The following GOLM2 variants were observed in gnomAD, a reference collection of about 807,000 sequenced individuals.
The protein encoded by GOLM2 is golgi membrane protein 2, also known as protein GOLM2.
Under a neutral mutation model 55.9 loss-of-function variants are expected in GOLM2, and 26 were observed. The ratio of observed to expected loss-of-function variants is 0.47; its 90% CI spans 0.34 to 0.65. GOLM2 has a LOEUF of 0.65. Ranked by LOEUF, GOLM2 falls within the 30% of genes least tolerant of loss-of-function variation. The probability of loss-of-function intolerance (pLI) is 0.01; values close to 1 mark genes in which losing one functional copy is unlikely to be tolerated. For synonymous variants in GOLM2, 165 were observed against 194.6 expected (o/e 0.85, Z 1.27); for missense variants, 486 against 531.8 (o/e 0.91, Z 0.85).
At chr15:44,294,306 G>A (rs760705578) in intron 1 of GOLM2, among the ~76,000 whole-genome samples, 4 of 152,028 alleles carry the variant, frequency 2.6e-5, no homozygotes, top group Non-Finnish European at 4.4e-5. Flanking sequence ...AGCTGGGCAC[G>A]GTGGCTCACG....
intron 1 of GOLM2, among the ~76,000 whole-genome samples, chr15:44,312,462 T>G (rs760478069): frequency 2.0e-5 from 3 of 152,122 alleles, no homozygotes; most frequent in Non-Finnish European, 2.9e-5. Context: ...TAGGAATACC[T>G]ACATCTGTAC....
In GOLM2 at chr15:44,378,245, C is replaced by T. The variant is rs568624166; in HGVS notation, c.803-1445C>T. Among the ~76,000 whole-genome samples the T allele has an allele frequency of 3.3e-5, 5 of 150,948 alleles. No individual in the cohort carries two copies. In the East Asian group the frequency reaches 7.8e-4, roughly 24 times the overall value. On this transcript the variant is annotated intron_variant, in intron 6 of 9. Coordinates refer to ENST00000299957, the MANE Select transcript of GOLM2 (RefSeq NM_138423.4). ...TATTTTTTTGTATTTTTAATAGAGA[C>T]GGGGTTTCACGATGTTAGCCAGGTT...
intron 4 of GOLM2, among the ~76,000 whole-genome samples, chr15:44,337,377 T>G (rs1338237901): frequency 6.6e-6 from 1 of 151,878 alleles, no homozygotes; most frequent in African/African-American, 2.4e-5. Context: ...GCCATCCTGC[T>G]TGGTTCTAAC....
rs931635390 is a variant in GOLM2 at position 44,376,687 on chromosome 15, G to A, written c.803-3003G>A. ...CTCCTATACAAAATTGGAGGGTAAGGTTAGCACTCTTAATTGTCTCCAAGT... is the reference window on the plus strand; with the variant it reads ...CTCCTATACAAAATTGGAGGGTAAGATTAGCACTCTTAATTGTCTCCAAGT... On this transcript the variant is annotated intron_variant, in intron 6 of 9. Coordinates refer to ENST00000299957, the MANE Select transcript of GOLM2 (RefSeq NM_138423.4). Among the ~76,000 whole-genome samples the A allele has an allele frequency of 2.6e-5, 4 of 152,118 alleles. No homozygotes were observed. In the South Asian group the frequency reaches 6.2e-4, roughly 24 times the overall value.
At chr15:44,298,340 T>G (rs2078772648) in intron 1 of GOLM2, among the ~76,000 whole-genome samples, 1 of 150,938 alleles carries the variant, frequency 6.6e-6, no homozygotes, top group Admixed American at 6.6e-5. Flanking sequence ...CTCAGCTTAC[T>G]GCAACCTCCG....
chr15:44,336,843 G>C (rs770074044), intron 4 of GOLM2, among the ~76,000 whole-genome samples: 2 of 152,134 alleles, frequency 1.3e-5, no homozygotes, highest in Non-Finnish European at 2.9e-5. Context: ...ATGAACCTGG[G>C]AGGCGGAGCT....
At chr15:44,307,165 T>A (rs1024874788) in intron 1 of GOLM2, 3 of 154,420 alleles carry the variant, frequency 1.9e-5, no homozygotes, top group Middle Eastern at 5.1e-4. Flanking sequence ...ATACTGCTTA[T>A]CATCAGGGAC....
chr15:44,409,327 C>T (rs2079619524), intron 9 of GOLM2, among the ~76,000 whole-genome samples: 1 of 150,880 alleles, frequency 6.6e-6, no homozygotes, highest in Admixed American at 6.6e-5. Context: ...GTGGGTCATG[C>T]CTGTAATCTA....
At chr15:44,305,100 A>T (rs2141114095) in intron 1 of GOLM2, among the ~76,000 whole-genome samples, 1 of 152,250 alleles carries the variant, frequency 6.6e-6, no homozygotes, top group East Asian at 1.9e-4. Flanking sequence ...CCCTGGACTC[A>T]GGTGATCCTC....
intron 6 of GOLM2, among the ~76,000 whole-genome samples, chr15:44,351,087 T>C (rs553061446): frequency 2.6e-5 from 4 of 152,220 alleles, no homozygotes; most frequent in African/African-American, 7.2e-5. Context: ...ATGCCCACTT[T>C]CACCACTGTC....
intron 1 of GOLM2, among the ~76,000 whole-genome samples, chr15:44,320,680 C>G (rs1012402173): frequency 6.6e-6 from 1 of 152,178 alleles, no homozygotes; most frequent in Non-Finnish European, 1.5e-5. Flanking sequence ...CCCCTAGACT[C>G]CTTCTCTTGC....
rs577914403 is a variant in GOLM2 at position 44,384,681 on chromosome 15, A to G, written c.1072+3705A>G. 7.2e-5 allele frequency among the ~76,000 whole-genome samples: 11 copies of G among 151,972 alleles called. No homozygotes were observed. The East Asian group carries it at 2.1e-3, about 29-fold the overall frequency. ...AGAATGGTGTGAACCCAGGAGGCAG[A>G]GCTTGCAGTGAGCCAAGATCGCGCC... is the stretch of plus-strand genomic sequence containing the variant. On this transcript the variant is annotated intron_variant, in intron 8 of 9. Coordinates refer to ENST00000299957, the MANE Select transcript of GOLM2 (RefSeq NM_138423.4).
At chr15:44,375,299 A>G (rs542788406) in intron 6 of GOLM2, among the ~76,000 whole-genome samples, 26 of 152,204 alleles carry the variant, frequency 1.7e-4, no homozygotes, top group African/African-American at 6.0e-4. Flanking sequence ...GATTACACGC[A>G]TGAGCCACCC....
chr15:44,343,519 G>A (rs977766796), intron 6 of GOLM2, among the ~76,000 whole-genome samples: 1 of 151,758 alleles, frequency 6.6e-6, no homozygotes, highest in African/African-American at 2.4e-5. Context: ...ACCCCAAAGA[G>A]GAAGCAGAGA....
Position 44,322,983 on chromosome 15 carries a change from A to G in GOLM2, c.346A>G (p.Ile116Val), listed in dbSNP as rs758590618. The G allele has an allele frequency of 1.9e-6, 3 of 1,579,266 alleles. No homozygotes were observed. The highest frequency in any genetic ancestry group is 1.7e-6 in the Non-Finnish European group (2 of 1,166,232). Residue 116 changes from isoleucine to valine, a missense_variant, in exon 2 of 10, where the codon ATA becomes GTA. Physicochemically the swap from Ile to Val is conservative, Grantham distance 29. Transcript: ENST00000299957. ...TTTTCAGGTTAAACTACAGAACAACATATCGTATCAGATGGCAGACATACA... is the reference window on the plus strand; with the variant it reads ...TTTTCAGGTTAAACTACAGAACAACGTATCGTATCAGATGGCAGACATACA... ...EDDKVKLQNN[I>V]SYQMADIHHL...
intron 1 of GOLM2, among the ~76,000 whole-genome samples, chr15:44,310,861 A>G (rs1010078449): frequency 4.6e-5 from 7 of 152,124 alleles, no homozygotes; most frequent in Non-Finnish European, 8.8e-5. Flanking sequence ...TACTAAAAAT[A>G]CAAAAATTAG....
rs1424611580 is a variant in GOLM2, at chr15:44,415,325, A to G, written c.*1919A>G. The G allele has an allele frequency of 6.6e-6, 1 of 152,654 alleles. No homozygotes were observed. The highest frequency in any genetic ancestry group is 1.5e-5 in the Non-Finnish European group (1 of 68,032). The allele number at this position is 152,654 out of a possible 1,614,324, so 9.5% of individuals were successfully genotyped here. A position where few individuals can be genotyped will look rare whatever the true frequency, so the allele number is the denominator to read the frequency against. On this transcript the variant is annotated 3_prime_UTR_variant, in exon 10 of 10. Transcript: ENST00000299957. ...CGGGGGCATTAGGGTAGGGAGATGA[A>G]TCAAAAAATACCCCTAGTAATGCTT...
intron 1 of GOLM2, among the ~76,000 whole-genome samples, chr15:44,303,973 G>T (rs535903999): frequency 1.6e-4 from 24 of 151,372 alleles, no homozygotes; most frequent in Admixed American, 1.5e-3. Flanking sequence ...TAAGTGATCC[G>T]CCTGACTCGG....
At chr15:44,370,577 T>C (rs1371046911) in intron 6 of GOLM2, among the ~76,000 whole-genome samples, 1 of 152,158 alleles carries the variant, frequency 6.6e-6, no homozygotes, top group Non-Finnish European at 1.5e-5. Flanking sequence ...GCGTGGTCCC[T>C]ACTCTTAAAC....
Sources: allele counts gnomAD v4.1 joint callset (sites outside exome capture counted in the v4.1 genomes callset), GRCh38; gene constraint gnomAD v4.1.1; transcripts MANE v1.5; gene names NCBI Gene and HGNC (gene_info 2026-07-23, HGNC 2026-07-21).